The following EPAS1 variants were observed in gnomAD, a reference collection of about 807,000 sequenced individuals.
EPAS1 encodes the protein endothelial PAS domain-containing protein 1.
Under a neutral mutation model 87.9 loss-of-function variants are expected in EPAS1, and 23 were observed. The ratio of observed to expected loss-of-function variants is 0.26; its 90% CI spans 0.19 to 0.37. The LOEUF is 0.37. EPAS1 is among the 10% of genes least tolerant of loss of function. The probability of loss-of-function intolerance (pLI) is 1.00; values close to 1 mark genes in which losing one functional copy is unlikely to be tolerated. For synonymous variants in EPAS1, 508 were observed against 444.3 expected (o/e 1.14, Z -1.80); for missense variants, 1,138 against 1,120.7 (o/e 1.02, Z -0.22).
At chr2:46,376,835 T>C in intron 9 of EPAS1, 82 bp downstream of exon 9, 1 of 1,455,060 alleles carries the variant, frequency 6.9e-7, no homozygotes, top group Non-Finnish European at 9.5e-7. Flanking sequence ...CCTCCCTGGC[T>C]GCAGCTTTTT....
chr2:46,307,964 G>A (rs902811374), intron 1 of EPAS1, among the ~76,000 whole-genome samples: 11 of 152,284 alleles, frequency 7.2e-5, no homozygotes, highest in African/African-American at 2.6e-4. Flanking sequence ...ATGGGTCCTT[G>A]GTCTAGTTTT....
chr2:46,317,630 A>G (rs1683368689), intron 1 of EPAS1, among the ~76,000 whole-genome samples: 1 of 152,250 alleles, frequency 6.6e-6, no homozygotes, highest in African/African-American at 2.4e-5. Flanking sequence ...ATTAGTCCCT[A>G]GTAAGAGAGT....
intron 7 of EPAS1, among the ~76,000 whole-genome samples, chr2:46,374,283 G>A (rs1395238529): frequency 1.3e-5 from 2 of 152,136 alleles, no homozygotes; most frequent in African/African-American, 2.4e-5. Flanking sequence ...TCTGTCTACC[G>A]AGAGCCTGGA....
chr2:46,372,216 G>A (rs1684640729), intron 7 of EPAS1, among the ~76,000 whole-genome samples: 1 of 152,186 alleles, frequency 6.6e-6, no homozygotes, highest in Non-Finnish European at 1.5e-5. Context: ...CTAGCAAAGG[G>A]ACAAACCCAT....
intron 2 of EPAS1, among the ~76,000 whole-genome samples, chr2:46,349,087 T>A (rs1440695458): frequency 6.6e-5 from 10 of 152,234 alleles, no homozygotes; most frequent in Non-Finnish European, 1.3e-4. Context: ...AGCAAGAGCA[T>A]TTTGTAAACC....
rs183770906 is a variant in EPAS1, at chr2:46,352,853, C to T, written c.218-3298C>T. 1.0e-3 allele frequency among the ~76,000 whole-genome samples: 152 copies of T among 152,346 alleles called. No individual in the cohort carries two copies. In the Middle Eastern group the frequency reaches 0.01, roughly 10 times the overall value. On this transcript the variant is annotated intron_variant, in intron 2 of 15. Coordinates refer to ENST00000263734, the MANE Select transcript of EPAS1 (RefSeq NM_001430.5). The stretch of plus-strand genomic sequence containing the variant: ...TTCGTGGCCCTAGATTGCCCCTCTC[C>T]CTCCCGGAGGCCAGCTGACCCGATG...
In EPAS1 at chr2:46,380,791, C is replaced by G. The variant is rs758695200; in HGVS notation, c.2045+74C>G. 1.4e-5 allele frequency: 22 copies of G among 1,597,074 alleles called. No homozygotes were observed. Among genetic ancestry groups the G allele is most frequent in the Non-Finnish European group, 1.9e-5 (22 of 1,179,152 alleles). Reference sequence around the variant, plus strand: ...CCCACTAGTAAGATAGCTGGACCCCCAGGGAGGCCCCTGCCCCTCTCCCCA... The same window carrying G: ...CCCACTAGTAAGATAGCTGGACCCCGAGGGAGGCCCCTGCCCCTCTCCCCA... On this transcript the variant is annotated intron_variant, in intron 12 of 15. Coordinates refer to ENST00000263734, the MANE Select transcript of EPAS1 (RefSeq NM_001430.5). This position sits in a 1 kb window ranked among gnomAD's most constrained non-coding sequence, Gnocchi z 4.4.
At chr2:46,309,207 C>T (rs577427598) in intron 1 of EPAS1, among the ~76,000 whole-genome samples, 3 of 152,338 alleles carry the variant, frequency 2.0e-5, no homozygotes, top group South Asian at 4.2e-4. Context: ...ATTGCTTATC[C>T]ACCATGCGTA....
At chr2:46,355,396 A>G (rs115561882) in intron 2 of EPAS1, among the ~76,000 whole-genome samples, 2,451 of 152,290 alleles carry the variant, frequency 0.016, 26 homozygotes, top group Non-Finnish European at 0.021. Flanking sequence ...AAGCCTATGA[A>G]TGGTTGAGTG....
chr2:46,362,940 T>TATTGTA (rs1183961890), intron 6 of EPAS1, among the ~76,000 whole-genome samples: 1 of 143,536 alleles, frequency 7.0e-6, no homozygotes, highest in Non-Finnish European at 1.5e-5. Context: ...AGTCACCATT[T>TATTGTA]ATTGTAATTG....
At chr2:46,327,862 G>T (rs1000771461) in intron 1 of EPAS1, among the ~76,000 whole-genome samples, 2 of 152,174 alleles carry the variant, frequency 1.3e-5, no homozygotes, top group Admixed American at 6.5e-5. Flanking sequence ...AGGAGGCCCC[G>T]CCAGAGCCCT....
chr2:46,329,225 T>C (rs532036334), intron 1 of EPAS1, among the ~76,000 whole-genome samples: 5 of 152,310 alleles, frequency 3.3e-5, no homozygotes, highest in African/African-American at 1.2e-4. Context: ...GGTTACTGAC[T>C]CTGGTTCAGG....
intron 1 of EPAS1, among the ~76,000 whole-genome samples, chr2:46,322,430 C>A (rs988852561): frequency 6.6e-6 from 1 of 152,118 alleles, no homozygotes; most frequent in Non-Finnish European, 1.5e-5. Context: ...AACAGGGGTT[C>A]CAAACCTTAG....
At chr2:46,369,763 C>T (rs1684588101) in intron 6 of EPAS1, 64 bp from the exon 7 acceptor site, 2 of 1,222,568 alleles carry the variant, frequency 1.6e-6, no homozygotes, top group African/African-American at 1.5e-5. Context: ...TTAGCTCCTG[C>T]CCACATGCTG....
chr2:46,346,573 G>C lies in EPAS1; in HGVS notation c.27-300G>C, dbSNP rs2104871516. ...CAGATATTCCAGGGCTAGGTCCCAG[G>C]CATTGGTAGTTAATTTAATCAGCCA... On this transcript the variant is annotated intron_variant, in intron 1 of 15. Transcript: ENST00000263734. This position sits in a 1 kb window ranked among gnomAD's most constrained non-coding sequence, Gnocchi z 4.0. Among the ~76,000 whole-genome samples, 1 of 152,284 alleles carries C rather than the reference G, an allele frequency of 6.6e-6. No homozygotes were observed. Among genetic ancestry groups the C allele is most frequent in the Non-Finnish European group, 1.5e-5 (1 of 68,020 alleles).
chr2:46,358,628 C>A (rs115213612), intron 4 of EPAS1, among the ~76,000 whole-genome samples: 3 of 152,116 alleles, frequency 2.0e-5, no homozygotes, highest in African/African-American at 7.2e-5. Flanking sequence ...TAGGCAAAGG[C>A]GACAACCTTT....
intron 6 of EPAS1, among the ~76,000 whole-genome samples, chr2:46,362,836 A>G (rs1440324166): frequency 6.6e-6 from 1 of 152,136 alleles, no homozygotes; most frequent in Non-Finnish European, 1.5e-5. Flanking sequence ...CAGCCTTTGG[A>G]GCTAGTGGGT....
chr2:46,386,183 G>C lies in EPAS1; in HGVS notation c.*1523G>C, dbSNP rs538158598. On this transcript the variant is annotated 3_prime_UTR_variant, in exon 16 of 16. Transcript: ENST00000263734. ...GAGCACTTTGCAACTCCCTGGGTAA[G>C]AGGGACGACACCTCTGGTTTTTCAA... 5 of 152,792 alleles carry C rather than the reference G, an allele frequency of 3.3e-5. No homozygotes were observed. In the South Asian group the frequency reaches 1.0e-3, roughly 32 times the overall value. 9.5% of individuals were successfully genotyped at this position (152,792 alleles called of 1,614,324 possible).
intron 6 of EPAS1, 117 bp downstream of exon 6, chr2:46,361,207 ATGTTCG>A (rs1684380340): frequency 8.8e-7 from 1 of 1,139,192 alleles, no homozygotes; most frequent in Non-Finnish European, 1.3e-6. Flanking sequence ...TGCCGGGTGC[ATGTTCG>A]TGGACCTGTG....
Sources: gnomAD v4.1 joint callset for allele counts (sites outside exome capture counted in the v4.1 genomes callset) on GRCh38, gnomAD v4.1.1 for gene constraint, Gnocchi (gnomAD v3.1) non-coding constraint, MANE v1.5 for transcripts, NCBI Gene and HGNC (gene_info 2026-07-23, HGNC 2026-07-21) for gene names.